Variants in NTRK1 observed in about 807,000 individuals in gnomAD.
The protein encoded by NTRK1 is high affinity nerve growth factor receptor.
A neutral mutation model predicts 86.8 loss-of-function variants in NTRK1; 62 were observed. The observed-to-expected ratio is 0.71, with a 90% confidence interval of 0.58 to 0.88. NTRK1 has a LOEUF of 0.88. NTRK1 is among the 40% of genes least tolerant of loss of function. The pLI, the probability that NTRK1 is intolerant of heterozygous loss-of-function variation, is 0.00. For missense variants in NTRK1, 967 were observed against 1,078.4 expected, an observed-to-expected ratio of 0.90 and a Z score of 1.45; for synonymous variants, 469 against 456.6, an observed-to-expected ratio of 1.03 and a Z score of -0.35.
At position 156,864,469 on chromosome 1, in the gene NTRK1, G is replaced by A. The variant is rs532686210; in HGVS notation, c.287+41G>A. ...ACTGTGGGTGTGGAGCTCAGCATGG[G>A]CCTGGGGGAGACCAGAAGGTCAGGG... On this transcript the variant is annotated intron_variant, in intron 2 of 16. Transcript: ENST00000524377. 16 of 1,596,228 alleles carry A rather than the reference G, an allele frequency of 1.0e-5. No individual in the cohort carries two copies. The South Asian group carries it at 1.7e-4, about 16-fold the overall frequency.
chr1:156,843,214 C>T, intron 2 of NTRK1: 1 of 1,614,142 alleles, frequency 6.2e-7, no homozygotes, highest in East Asian at 2.2e-5. Context: ...GAGGCACCTC[C>T]CATTCATCAG....
chr1:156,849,492 G>A lies in NTRK1; in HGVS notation c.50+7299G>A, dbSNP rs1558088757. On this transcript the variant is annotated intron_variant, in intron 2 of 16. Coordinates refer to the NTRK1 transcript ENST00000392302. Reference sequence around the variant, plus strand: ...GAGGCCAGGGGACCTTGCTCTGCGGGGAGGTGGGGGCAGGGGGTGGGAAAG... The same window carrying A: ...GAGGCCAGGGGACCTTGCTCTGCGGAGAGGTGGGGGCAGGGGGTGGGAAAG... The A allele has an allele frequency of 7.8e-6, 11 of 1,409,576 alleles. No individual in the cohort carries two copies. The East Asian group carries it at 2.3e-4, about 30-fold the overall frequency. The allele number at this position is 1,409,576 out of a possible 1,614,324, so 87.3% of individuals were successfully genotyped here.
rs552996252 is a variant in NTRK1, at chr1:156,874,364, C to T, written c.1178-19C>T. On this transcript the variant is annotated intron_variant, in intron 8 of 16. Coordinates refer to ENST00000524377, the MANE Select transcript of NTRK1 (RefSeq NM_002529.4). ...TCTCTCCTCCCTCTGACTGCTTTCT[C>T]TCCTCCCTCCTGCTGCAGTCTCCTT... The T allele has an allele frequency of 1.2e-5, 19 of 1,614,154 alleles. No homozygotes were observed. The East Asian group carries it at 2.5e-4, about 21-fold the overall frequency.
intron 6 of NTRK1, 62 bp downstream of exon 6, chr1:156,868,709 G>A (rs920303477): frequency 6.5e-7 from 1 of 1,539,222 alleles, no homozygotes; most frequent in South Asian, 1.2e-5. Context: ...GACAAAGATG[G>A]GGAAAGAGAG....
chr1:156,858,613 C>A, upstream of NTRK1: 14 of 1,614,022 alleles, frequency 8.7e-6, no homozygotes, highest in Non-Finnish European at 1.2e-5. Flanking sequence ...ACAGACTAGG[C>A]ACTGCCATTG....
At chr1:156,823,827 T>G (rs998508097) in intron 1 of NTRK1, among the ~76,000 whole-genome samples, 1 of 152,114 alleles carries the variant, frequency 6.6e-6, no homozygotes, top group African/African-American at 2.4e-5. Context: ...GGCATACAGG[T>G]GGCGGAAAGG....
rs2102919242 is a variant in NTRK1, at chr1:156,876,434, A to C, written c.1667A>C (p.Asp556Ala). Residue 556 changes from aspartate to alanine, a missense_variant, in exon 14 of 17, where the codon GAC (aspartate) becomes GCC (alanine). Transcript: ENST00000524377. ...GAGGCGTCCGAGAGTGCTCGGCAGG[A>C]CTTCCAGCGTGAGGCTGAGCTGCTC... The part of the protein sequence containing the change: ...LKEASESARQ[D>A]FQREAELLTM... The C allele has an allele frequency of 6.2e-7, 1 of 1,613,844 alleles. No individual in the cohort carries two copies. Among genetic ancestry groups the C allele is most frequent in the Non-Finnish European group, 8.5e-7 (1 of 1,180,014 alleles).
intron 1 of NTRK1, among the ~76,000 whole-genome samples, chr1:156,829,334 C>T (rs1654404587): frequency 6.6e-6 from 1 of 152,114 alleles, no homozygotes; most frequent in Admixed American, 6.5e-5. Flanking sequence ...AACAAGGCTC[C>T]CCGTATCCCT....
At chr1:156,871,461 G>A (rs902118189) in intron 6 of NTRK1, among the ~76,000 whole-genome samples, 162 bp from the exon 7 acceptor site, 1 of 152,118 alleles carries the variant, frequency 6.6e-6, no homozygotes, top group East Asian at 1.9e-4. Flanking sequence ...AAGGAGGAAG[G>A]CCATTATCTG....
rs766806139 is a variant in NTRK1 at position 156,868,095 on chromosome 1, G to GC, written c.429-3dup. The GC allele has an allele frequency of 9.9e-6, 16 of 1,613,542 alleles. No homozygotes were observed. In the Admixed American group the frequency reaches 2.2e-4, roughly 22 times the overall value. ...CCTTGACTCTGTTGGTGTCCCCCAT[G>GC]CCCCCCAGGGTCCTGTCGGGGAACC... On this transcript the variant is annotated splice_polypyrimidine_tract_variant and intron_variant, in intron 4 of 16. Transcript: ENST00000524377.
intron 2 of NTRK1, chr1:156,851,763 G>A (rs145021608): frequency 4.0e-4 from 644 of 1,612,380 alleles, no homozygotes; most frequent in Non-Finnish European, 5.1e-4. Flanking sequence ...TTAGGGCACA[G>A]CCCCTCGCAC....
intron 4 of NTRK1, among the ~76,000 whole-genome samples, chr1:156,867,760 G>A (rs755497394): frequency 6.6e-6 from 1 of 151,264 alleles, no homozygotes. Context: ...TGCAAGCTCC[G>A]CCTCCTGGGT....
intron 1 of NTRK1, chr1:156,841,302 G>A (rs1654769861): frequency 8.0e-7 from 1 of 1,254,396 alleles, no homozygotes; most frequent in South Asian, 1.2e-5. Context: ...GGATGTCAAA[G>A]CATCAGAGGA....
intron 16 of NTRK1, among the ~76,000 whole-genome samples, chr1:156,880,709 C>T (rs1353107665): frequency 6.6e-6 from 1 of 152,200 alleles, no homozygotes; most frequent in Non-Finnish European, 1.5e-5. Flanking sequence ...TCCCCGGAGG[C>T]TGGTGGGGTG....
Position 156,854,991 on chromosome 1 carries a change from C to T in NTRK1, c.51-9363C>T, listed in dbSNP as rs1655356784. Among the ~76,000 whole-genome samples, 1 of 152,190 alleles carries T rather than the reference C, an allele frequency of 6.6e-6. No homozygotes were observed. The highest frequency in any genetic ancestry group is 6.5e-5 in the Admixed American group (1 of 15,280). ...TTATCATCTTCAGCCACATTGACTT[C>T]TTTGCTTTTCCTTATATGTAACAGG... On this transcript the variant is annotated intron_variant, in intron 2 of 16. Transcript: ENST00000392302. This position sits in a 1 kb window ranked among gnomAD's most constrained non-coding sequence, Gnocchi z 4.2.
At chr1:156,838,620 C>T (rs1368396203) in intron 1 of NTRK1, among the ~76,000 whole-genome samples, 1 of 152,354 alleles carries the variant, frequency 6.6e-6, no homozygotes, top group Non-Finnish European at 1.5e-5. Context: ...ATCTTGCTAC[C>T]TAGTTAAATC....
At chr1:156,819,895 A>C (rs114855601) in intron 1 of NTRK1, among the ~76,000 whole-genome samples, 2,466 of 152,204 alleles carry the variant, frequency 0.016, 73 homozygotes, top group African/African-American at 0.056. Flanking sequence ...GCACAGCTTG[A>C]GAATGTTTTC....
chr1:156,868,943 G>T (rs1008432333), intron 6 of NTRK1, among the ~76,000 whole-genome samples: 5 of 151,906 alleles, frequency 3.3e-5, no homozygotes, highest in Admixed American at 6.6e-5. Flanking sequence ...CAAGGGAGAG[G>T]GTCACAGAAA....
upstream of NTRK1, among the ~76,000 whole-genome samples, chr1:156,856,356 C>T (rs949616566): frequency 1.3e-5 from 2 of 152,150 alleles, no homozygotes; most frequent in African/African-American, 4.8e-5. Context: ...TTGCAGGTCC[C>T]ATGTCTCTCC....
Sources: gnomAD v4.1 joint callset for allele counts (sites outside exome capture counted in the v4.1 genomes callset) on GRCh38, gnomAD v4.1.1 for gene constraint, Gnocchi (gnomAD v3.1) non-coding constraint, MANE v1.5 for transcripts, NCBI Gene and HGNC (gene_info 2026-07-23, HGNC 2026-07-21) for gene names.